The following PSD3 variants were observed in gnomAD, a reference collection of about 807,000 sequenced individuals.
PSD3 encodes the protein pleckstrin and Sec7 domain containing 3, also known as PH and SEC7 domain-containing protein 3.
In PSD3, 49 loss-of-function variants were observed where a neutral mutation model predicts 105.5. The ratio of observed to expected loss-of-function variants is 0.46; its 90% CI spans 0.37 to 0.59. The LOEUF is 0.59. Among genes scored for constraint, PSD3 ranks in the 20% least tolerant of loss-of-function variants. The pLI is 0.00. For synonymous variants in PSD3, 557 were observed against 457.8 expected, an observed-to-expected ratio of 1.22 and a Z score of -2.77; for missense variants, 1,561 against 1,263.8, an observed-to-expected ratio of 1.24 and a Z score of -3.57.
intron 9 of PSD3, among the ~76,000 whole-genome samples, chr8:18,700,468 G>C (rs1470332795): frequency 6.6e-6 from 1 of 152,150 alleles, no homozygotes; most frequent in Non-Finnish European, 1.5e-5. Context: ...ACACTCGTGA[G>C]AGGCTATCTC....
intron 11 of PSD3, among the ~76,000 whole-genome samples, chr8:18,631,483 T>C (rs994715152): frequency 6.6e-6 from 1 of 151,944 alleles, no homozygotes; most frequent in Non-Finnish European, 1.5e-5. Context: ...CTAATAACCA[T>C]GTATAAAGGA....
At chr8:18,551,469 C>T (rs1370377974) in intron 15 of PSD3, among the ~76,000 whole-genome samples, 1 of 152,004 alleles carries the variant, frequency 6.6e-6, no homozygotes, top group Non-Finnish European at 1.5e-5. Context: ...TAAATGTCAC[C>T]AAGAATTAGA....
intron 9 of PSD3, among the ~76,000 whole-genome samples, chr8:18,731,748 T>C (rs1803766469): frequency 6.6e-6 from 1 of 152,186 alleles, no homozygotes; most frequent in Non-Finnish European, 1.5e-5. Context: ...CCAGAAAATC[T>C]AAAATAAAAC....
chr8:18,577,488 A>C (rs1219679684), intron 12 of PSD3, among the ~76,000 whole-genome samples: 3 of 151,842 alleles, frequency 2.0e-5, no homozygotes, highest in Non-Finnish European at 4.4e-5. Context: ...TTTCCACTTC[A>C]AGTTCTTGTT....
intron 4 of PSD3, among the ~76,000 whole-genome samples, chr8:18,831,852 C>A (rs981738260): frequency 1.3e-5 from 2 of 151,950 alleles, no homozygotes; most frequent in African/African-American, 4.8e-5. Flanking sequence ...TATTCATATT[C>A]AGTTCTGAGT....
At chr8:18,723,361 A>G (rs992535615) in intron 9 of PSD3, among the ~76,000 whole-genome samples, 2 of 152,228 alleles carry the variant, frequency 1.3e-5, no homozygotes, top group African/African-American at 4.8e-5. Context: ...TTGTGCATAT[A>G]TGGATTTAAT....
intron 15 of PSD3, among the ~76,000 whole-genome samples, chr8:18,553,121 C>A (rs1167940209): frequency 6.6e-6 from 1 of 152,140 alleles, no homozygotes; most frequent in African/African-American, 2.4e-5. Context: ...TAGTAACACT[C>A]CTGGTGTTAT....
chr8:19,041,287 C>G (rs1190983198), intron 1 of PSD3, among the ~76,000 whole-genome samples: 1 of 152,162 alleles, frequency 6.6e-6, no homozygotes, highest in Non-Finnish European at 1.5e-5. Flanking sequence ...TGCATTAACT[C>G]AGAGAAGAAC....
At chr8:18,727,332 C>A (rs1380027549) in intron 9 of PSD3, among the ~76,000 whole-genome samples, 1 of 82,310 alleles carries the variant, frequency 1.2e-5, no homozygotes, top group African/African-American at 5.6e-5. Flanking sequence ...AAGACTGTGT[C>A]TCAAAAAAAA....
At chr8:18,723,471 G>C (rs924121900) in intron 9 of PSD3, among the ~76,000 whole-genome samples, 1 of 152,126 alleles carries the variant, frequency 6.6e-6, no homozygotes, top group African/African-American at 2.4e-5. Flanking sequence ...ATCTAAGTTA[G>C]TTCCTTAGGC....
intron 2 of PSD3, among the ~76,000 whole-genome samples, chr8:18,896,916 T>C (rs1188413264): frequency 6.6e-6 from 1 of 152,044 alleles, no homozygotes; most frequent in African/African-American, 2.4e-5. Flanking sequence ...GTTCAAGCAA[T>C]TCTCCTACCT....
intron 4 of PSD3, among the ~76,000 whole-genome samples, chr8:18,828,906 C>G (rs1453254240): frequency 6.6e-6 from 1 of 152,128 alleles, no homozygotes; most frequent in Non-Finnish European, 1.5e-5. Flanking sequence ...CAAGATCAGG[C>G]TGGCCAACAT....
chr8:18,690,798 C>T (rs1800933909), intron 9 of PSD3, among the ~76,000 whole-genome samples: 1 of 152,236 alleles, frequency 6.6e-6, no homozygotes. Context: ...CCTGCTGAAC[C>T]AGCTTCAGAG....
intron 1 of PSD3, among the ~76,000 whole-genome samples, chr8:19,042,248 C>G (rs751215): frequency 0.19 from 28,504 of 151,924 alleles, 4,349 homozygotes; most frequent in African/African-American, 0.43. Context: ...ATATCAAATG[C>G]CAGTGTGATT....
intron 2 of PSD3, among the ~76,000 whole-genome samples, chr8:18,931,319 C>G (rs1378273062): frequency 6.6e-6 from 1 of 151,956 alleles, no homozygotes; most frequent in Non-Finnish European, 1.5e-5. Context: ...ATATGATTCA[C>G]TTTACCTTTA....
At chr8:18,774,744 G>A (rs558886643) in intron 8 of PSD3, 2 of 371,940 alleles carry the variant, frequency 5.4e-6, no homozygotes, top group South Asian at 4.1e-5. Context: ...GCTAATGACG[G>A]TGAGAACACA....
At chr8:18,653,808 T>C (rs181619135) in intron 10 of PSD3, among the ~76,000 whole-genome samples, 174 of 151,578 alleles carry the variant, frequency 1.1e-3, no homozygotes, top group African/African-American at 4.0e-3. Context: ...TCCTCAAGAG[T>C]ATATGTATTT....
intron 11 of PSD3, among the ~76,000 whole-genome samples, chr8:18,612,990 T>C (rs1243444108): frequency 6.6e-6 from 1 of 151,222 alleles, no homozygotes; most frequent in Non-Finnish European, 1.5e-5. Flanking sequence ...AGAATTTACA[T>C]GGCTTGGGCT....
intron 9 of PSD3, among the ~76,000 whole-genome samples, chr8:18,672,675 G>A (rs1193448911): frequency 6.6e-6 from 1 of 152,176 alleles, no homozygotes; most frequent in Non-Finnish European, 1.5e-5. Context: ...TAAGTTGCAT[G>A]GACAATCTCA....
Sources: gnomAD v4.1 joint callset for allele counts (sites outside exome capture counted in the v4.1 genomes callset) on GRCh38, gnomAD v4.1.1 for gene constraint, MANE v1.5 for transcripts, NCBI Gene and HGNC (gene_info 2026-07-23, HGNC 2026-07-21) for gene names.